The following SPOCK3 variants were observed in gnomAD, a reference collection of about 807,000 sequenced individuals.
SPOCK3 encodes the protein testican-3.
A neutral mutation model predicts 56.6 loss-of-function variants in SPOCK3; 30 were observed. The ratio of observed to expected loss-of-function variants is 0.53; its 90% CI spans 0.40 to 0.72. SPOCK3 has a LOEUF of 0.72. SPOCK3 is among the 30% of genes least tolerant of loss of function. The pLI is 0.00. For missense variants in SPOCK3, 527 were observed against 530.0 expected, an observed-to-expected ratio of 0.99 and a Z score of 0.06; for synonymous variants, 196 against 183.3, an observed-to-expected ratio of 1.07 and a Z score of -0.56.
intron 6 of SPOCK3, among the ~76,000 whole-genome samples, chr4:166,862,894 T>C (rs888550464): frequency 2.2e-4 from 33 of 151,994 alleles, no homozygotes; most frequent in Admixed American, 1.3e-3. Flanking sequence ...TCCTTCAAAT[T>C]CAGGAAATAC....
chr4:166,751,924 T>C (rs898394336), intron 8 of SPOCK3, among the ~76,000 whole-genome samples: 1 of 152,186 alleles, frequency 6.6e-6, no homozygotes, highest in Non-Finnish European at 1.5e-5. Context: ...GTCATGATTT[T>C]AGAAAATTAG....
At chr4:166,735,153 T>TA (rs1734098531) in intron 10 of SPOCK3, 63 bp from the exon 11 acceptor site, 2 of 934,802 alleles carry the variant, frequency 2.1e-6, no homozygotes, top group East Asian at 5.5e-5. Flanking sequence ...TTCTGCAAGA[T>TA]AAAATCCTTA....
At chr4:167,193,380 A>T (rs115041242) in intron 2 of SPOCK3, among the ~76,000 whole-genome samples, 1,524 of 146,118 alleles carry the variant, frequency 0.01, 132 homozygotes, top group Non-Finnish European at 0.014. Context: ...AACTAACTTC[A>T]ATGGCATAAA....
chr4:166,979,645 A>G (rs1376401550), intron 4 of SPOCK3, among the ~76,000 whole-genome samples: 3 of 151,974 alleles, frequency 2.0e-5, no homozygotes, highest in Non-Finnish European at 4.4e-5. Context: ...TCATCTTCCT[A>G]CTTCACTGGT....
At position 166,737,873 on chromosome 4, in the gene SPOCK3, A is replaced by G. The variant is rs7659761; in HGVS notation, c.995-269T>C. ...GCAAAGTACTATCTTACTAGTTCTC[A>G]CTGTGCAAAGGGTAGTGTTTCAGAG... On this transcript the variant is annotated intron_variant, in intron 9 of 10. Coordinates refer to ENST00000357545, the MANE Select transcript of SPOCK3 (RefSeq NM_001040159.2). Among the ~76,000 whole-genome samples the G allele has an allele frequency of 6.4e-3, 978 of 152,270 alleles. 8 individuals are homozygous for G. The highest frequency in any genetic ancestry group is 0.022 in the African/African-American group (916 of 41,548).
intron 2 of SPOCK3, among the ~76,000 whole-genome samples, chr4:167,173,530 T>C (rs1203741961): frequency 6.6e-6 from 1 of 152,152 alleles, no homozygotes; most frequent in Non-Finnish European, 1.5e-5. Flanking sequence ...AATTTCTTCA[T>C]ATGGCCTTCT....
At chr4:166,822,375 TC>T (rs896541662) in intron 6 of SPOCK3, among the ~76,000 whole-genome samples, 3 of 152,054 alleles carry the variant, frequency 2.0e-5, no homozygotes, top group African/African-American at 7.2e-5. Flanking sequence ...ATAGGAGCTA[TC>T]CCATGAAAAC....
chr4:166,762,762 C>T (rs958219471), intron 7 of SPOCK3, among the ~76,000 whole-genome samples: 17 of 151,962 alleles, frequency 1.1e-4, no homozygotes, highest in African/African-American at 3.4e-4. Flanking sequence ...GAAATATATG[C>T]TGGATGGTAT....
At chr4:166,796,789 G>A (rs2126672720) in intron 6 of SPOCK3, among the ~76,000 whole-genome samples, 1 of 152,266 alleles carries the variant, frequency 6.6e-6, no homozygotes, top group Admixed American at 6.5e-5. Context: ...ACAATGTAAT[G>A]TTTAGGAATT....
intron 6 of SPOCK3, among the ~76,000 whole-genome samples, chr4:166,796,570 C>T (rs976290299): frequency 1.3e-5 from 2 of 152,090 alleles, no homozygotes; most frequent in Admixed American, 1.3e-4. Flanking sequence ...CTTTATGTCA[C>T]AGATGATGAA....
At chr4:167,094,421 C>T (rs894283965) in intron 2 of SPOCK3, among the ~76,000 whole-genome samples, 24 of 151,916 alleles carry the variant, frequency 1.6e-4, no homozygotes, top group Non-Finnish European at 2.8e-4. Flanking sequence ...AGTATATACC[C>T]TGGCAAAATG....
At chr4:166,888,323 A>T (rs1734417353) in intron 6 of SPOCK3, among the ~76,000 whole-genome samples, 1 of 152,124 alleles carries the variant, frequency 6.6e-6, no homozygotes. Context: ...TAATTATTAG[A>T]TTAGAAGAGT....
At chr4:167,234,206 G>T (rs750723692) in intron 1 of SPOCK3, 33 bp from the exon 2 acceptor site, 8 of 1,022,298 alleles carry the variant, frequency 7.8e-6, no homozygotes, top group East Asian at 2.4e-5. Flanking sequence ...GGGTGGGGGG[G>T]CATGTCAGTG....
At chr4:167,081,025 T>C (rs927162763) in intron 2 of SPOCK3, among the ~76,000 whole-genome samples, 1 of 151,716 alleles carries the variant, frequency 6.6e-6, no homozygotes, top group Non-Finnish European at 1.5e-5. Context: ...GAATTACAGA[T>C]GTCCTATATT....
In SPOCK3 at chr4:167,069,241, A is replaced by G. The variant is rs542597271; in HGVS notation, c.190-6704T>C. On this transcript the variant is annotated intron_variant, in intron 2 of 10. Coordinates refer to ENST00000357545, the MANE Select transcript of SPOCK3 (RefSeq NM_001040159.2). Reference sequence around the variant, plus strand: ...CAGGACATTCTCGTGCTAGTTCATGAGAAACCTTTCAGCCAACCACCATAA... The same window carrying G: ...CAGGACATTCTCGTGCTAGTTCATGGGAAACCTTTCAGCCAACCACCATAA... Among the ~76,000 whole-genome samples, 6 of 152,084 alleles carry G rather than the reference A, an allele frequency of 3.9e-5. No individual in the cohort carries two copies. In the South Asian group the frequency reaches 1.2e-3, roughly 31 times the overall value.
intron 7 of SPOCK3, among the ~76,000 whole-genome samples, chr4:166,763,031 C>T (rs2054144): frequency 0.33 from 50,153 of 151,418 alleles, 8,451 homozygotes; most frequent in Admixed American, 0.42. Flanking sequence ...ATAACAATTA[C>T]AAATGCAGAT....
chr4:166,739,376 G>A (rs1000881063), intron 9 of SPOCK3, among the ~76,000 whole-genome samples: 1 of 152,050 alleles, frequency 6.6e-6, no homozygotes, highest in Non-Finnish European at 1.5e-5. Context: ...GAGTGGCTGA[G>A]ATTACAGGCA....
At chr4:166,908,316 A>G (rs1736860124) in intron 5 of SPOCK3, among the ~76,000 whole-genome samples, 1 of 137,442 alleles carries the variant, frequency 7.3e-6, no homozygotes, top group South Asian at 2.3e-4. Context: ...ACACACCCCT[A>G]CCTTTTATTT....
chr4:166,963,398 C>T (rs1036004823), intron 4 of SPOCK3, among the ~76,000 whole-genome samples: 8 of 151,920 alleles, frequency 5.3e-5, no homozygotes, highest in African/African-American at 1.7e-4. Context: ...ATGCTTCTTT[C>T]GTACTCTTTA....
Sources: allele counts gnomAD v4.1 joint callset (sites outside exome capture counted in the v4.1 genomes callset), GRCh38; gene constraint gnomAD v4.1.1; transcripts MANE v1.5; gene names NCBI Gene and HGNC (gene_info 2026-07-23, HGNC 2026-07-21).